The following SGK1 variants were observed in gnomAD, a reference collection of about 807,000 sequenced individuals.
SGK1 encodes serum/glucocorticoid regulated kinase 1, also known as serine/threonine-protein kinase Sgk1.
Under a neutral mutation model 64.2 loss-of-function variants are expected in SGK1, and 26 were observed. The ratio of observed to expected loss-of-function variants is 0.40; its 90% CI spans 0.30 to 0.56. The LOEUF (loss-of-function observed/expected upper bound fraction) is 0.56. Ranked by LOEUF, SGK1 falls within the 20% of genes least tolerant of loss-of-function variation. The pLI is 0.38. For synonymous variants in SGK1, 265 were observed against 239.7 expected (o/e 1.11, Z -0.98); for missense variants, 519 against 645.6 (o/e 0.80, Z 2.12).
In SGK1 at chr6:134,206,383, ATTTTTTT is replaced by A. The variant is rs869072819; in HGVS notation, c.361+966_361+972del. ...TATATATATATATATATATATATAT[ATTTTTTT>A]TTTTTTTTTTTTTTTTTAAATGACA... is the stretch of plus-strand genomic sequence containing the variant. On this transcript the variant is annotated intron_variant, in intron 3 of 13. Transcript: ENST00000367858. 8.6e-3 allele frequency among the ~76,000 whole-genome samples: 142 copies of A among 16,564 alleles called. 1 individual carries two copies. Among genetic ancestry groups the A allele is most frequent in the African/African-American group, 0.026 (133 of 5,196 alleles). 10.9% of individuals were successfully genotyped at this position (16,564 alleles called of 152,430 possible).
chr6:134,229,089 C>T (rs1397421869), intron 2 of SGK1, among the ~76,000 whole-genome samples: 3 of 152,218 alleles, frequency 2.0e-5, no homozygotes, highest in Admixed American at 1.3e-4. Flanking sequence ...CCTTGGCCTC[C>T]CAAAGTGCTG....
chr6:134,315,755 T>C (rs912199193), intron 1 of SGK1, among the ~76,000 whole-genome samples: 2 of 152,088 alleles, frequency 1.3e-5, no homozygotes, highest in African/African-American at 2.4e-5. Context: ...TATTGAAAAT[T>C]AGGGCTGGGC....
At chr6:134,226,907 T>C (rs1479720800) in intron 2 of SGK1, among the ~76,000 whole-genome samples, 1 of 151,946 alleles carries the variant, frequency 6.6e-6, no homozygotes, top group African/African-American at 2.4e-5. Flanking sequence ...AGGCTGGCCT[T>C]GAACTCCTGG....
At chr6:134,273,953 C>T (rs1377893004) in intron 1 of SGK1, among the ~76,000 whole-genome samples, 2 of 152,090 alleles carry the variant, frequency 1.3e-5, no homozygotes, top group East Asian at 1.9e-4. Context: ...GCCGCTGCAC[C>T]CAGCTCACTG....
In SGK1 at chr6:134,171,022, C is replaced by A. The variant is rs1287717967; in HGVS notation, c.1323+1G>T. On this transcript the variant is annotated splice_donor_variant, in intron 12 of 13. Coordinates refer to ENST00000367858, the MANE Select transcript of SGK1 (RefSeq NM_001143676.3). LOFTEE classifies it high-confidence loss of function. The stretch of plus-strand genomic sequence containing the variant: ...CAGGAGGACAGGAAAACATCACTCA[C>A]GAAGTCATCCTTGGCCCCGAGCCGC... 1 of 1,614,034 alleles carries A rather than the reference C, an allele frequency of 6.2e-7. No homozygotes were observed. Among genetic ancestry groups the A allele is most frequent in the Non-Finnish European group, 8.5e-7 (1 of 1,179,946 alleles).
In SGK1 at chr6:134,232,473, A is replaced by AAGAAAGAGAG. The variant is rs1554222981; in HGVS notation, c.286-25043_286-25042insCTCTCTTTCT. 2.1e-5 allele frequency among the ~76,000 whole-genome samples: 2 copies of AAGAAAGAGAG among 96,106 alleles called. 1 individual carries two copies. Among genetic ancestry groups the AAGAAAGAGAG allele is most frequent in the South Asian group, 6.1e-4 (2 of 3,254 alleles). The allele number at this position is 96,106 out of a possible 152,430, so 63.0% of individuals were successfully genotyped here. ...AAAGAAAGAAAGAAAGAAAGAAAGA[A>AAGAAAGAGAG]AGAAAGAAAGAGAAAGAAAAAGAAA... On this transcript the variant is annotated intron_variant, in intron 2 of 13. Coordinates refer to ENST00000367858, the MANE Select transcript of SGK1 (RefSeq NM_001143676.3).
intron 2 of SGK1, among the ~76,000 whole-genome samples, chr6:134,240,840 G>A (rs1287804434): frequency 6.6e-6 from 1 of 152,160 alleles, no homozygotes; most frequent in African/African-American, 2.4e-5. Flanking sequence ...GACAGTGAGG[G>A]CAGAGGAAGG....
chr6:134,271,691 A>G (rs1248850284), intron 1 of SGK1, among the ~76,000 whole-genome samples: 1 of 147,664 alleles, frequency 6.8e-6, no homozygotes, highest in Non-Finnish European at 1.5e-5. Context: ...GATTTGTTGT[A>G]CAGATTATTT....
At chr6:134,282,542 A>C (rs1487507987) in intron 1 of SGK1, among the ~76,000 whole-genome samples, 3 of 151,456 alleles carry the variant, frequency 2.0e-5, no homozygotes, top group Non-Finnish European at 4.4e-5. Context: ...AATTCCAGCT[A>C]CTCGGGAGTC....
intron 3 of SGK1, among the ~76,000 whole-genome samples, chr6:134,199,404 C>A (rs544410691): frequency 6.6e-6 from 1 of 151,624 alleles, no homozygotes. Flanking sequence ...ACTAAAAATA[C>A]AAAAATTAGC....
At chr6:134,173,904 G>T in intron 5 of SGK1, 101 bp downstream of exon 5, 1 of 777,220 alleles carries the variant, frequency 1.3e-6, no homozygotes, top group Non-Finnish European at 2.2e-6. Flanking sequence ...TTCCTGCCTT[G>T]ATACTAATTT....
intron 3 of SGK1, among the ~76,000 whole-genome samples, chr6:134,206,368 TATATATATATA>T (rs1436412420): frequency 0.013 from 115 of 8,744 alleles, no homozygotes; most frequent in African/African-American, 0.035. Flanking sequence ...TATATATATA[TATATATATATA>T]TATATTTTTT....
chr6:134,206,383 A>ATATAT (rs1562250478), intron 3 of SGK1, among the ~76,000 whole-genome samples: 6 of 16,596 alleles, frequency 3.6e-4, no homozygotes, highest in Admixed American at 1.0e-3. Context: ...ATATATATAT[A>ATATAT]TTTTTTTTTT....
intron 2 of SGK1, among the ~76,000 whole-genome samples, chr6:134,213,259 C>T (rs914723717): frequency 5.9e-5 from 9 of 152,006 alleles, no homozygotes; most frequent in African/African-American, 1.9e-4. Context: ...TGGGGGGTCA[C>T]GCCTATAATC....
At chr6:134,253,665 A>T (rs1776639039) in intron 2 of SGK1, among the ~76,000 whole-genome samples, 8 of 151,906 alleles carry the variant, frequency 5.3e-5, no homozygotes, top group Admixed American at 5.3e-4. Context: ...AAAAATAAAA[A>T]ATTTTTTTCT....
intron 2 of SGK1, among the ~76,000 whole-genome samples, chr6:134,252,766 A>G (rs1417643136): frequency 6.6e-6 from 1 of 152,138 alleles, no homozygotes; most frequent in African/African-American, 2.4e-5. Context: ...AGTGAAAAAT[A>G]AGGACTATTG....
intron 3 of SGK1, among the ~76,000 whole-genome samples, chr6:134,185,980 G>GT (rs1043881799): frequency 1.3e-5 from 2 of 152,106 alleles, no homozygotes; most frequent in Admixed American, 6.6e-5. Context: ...CCCCGCATTA[G>GT]TGGGGGCGGG....
chr6:134,231,344 G>C (rs1329665197), intron 2 of SGK1, among the ~76,000 whole-genome samples: 2 of 152,182 alleles, frequency 1.3e-5, no homozygotes, highest in Non-Finnish European at 2.9e-5. Context: ...TCTCCACCCT[G>C]TAAAAAGAGA....
intron 2 of SGK1, among the ~76,000 whole-genome samples, chr6:134,233,669 A>G (rs1202360419): frequency 1.3e-5 from 2 of 152,274 alleles, no homozygotes; most frequent in African/African-American, 4.8e-5. Context: ...AAAAAGAAAA[A>G]GAAGAAAAAA....
Sources: gnomAD v4.1 joint callset for allele counts (sites outside exome capture counted in the v4.1 genomes callset) on GRCh38, gnomAD v4.1.1 for gene constraint, MANE v1.5 for transcripts, NCBI Gene and HGNC (gene_info 2026-07-23, HGNC 2026-07-21) for gene names.